YTHDC2: variants seen among roughly 807,000 people sequenced by gnomAD.
The protein encoded by YTHDC2 is YTH N6-methyladenosine RNA binding protein C2.
Under a neutral mutation model 174.9 loss-of-function variants are expected in YTHDC2, and 45 were observed. The observed-to-expected ratio is 0.26, with a 90% CI of 0.20 to 0.33. The LOEUF (loss-of-function observed/expected upper bound fraction) is 0.33. Among genes scored for constraint, YTHDC2 ranks in the 10% least tolerant of loss-of-function variants. The probability of loss-of-function intolerance (pLI) is 1.00; values close to 1 mark genes in which losing one functional copy is unlikely to be tolerated. For synonymous variants in YTHDC2, 657 were observed against 574.5 expected (o/e 1.14, Z -2.05); for missense variants, 1,650 against 1,723.7 (o/e 0.96, Z 0.76).
chr5:113,590,961 T>G, intron 26 of YTHDC2, 80 bp from the exon 27 acceptor site: 1 of 1,202,056 alleles, frequency 8.3e-7, no homozygotes, highest in Non-Finnish European at 1.2e-6. Flanking sequence ...GCTTATATGT[T>G]TATGAAGATG....
intron 23 of YTHDC2, among the ~76,000 whole-genome samples, chr5:113,573,950 G>T (rs965515378): frequency 6.6e-6 from 1 of 152,118 alleles, no homozygotes; most frequent in South Asian, 2.1e-4. Flanking sequence ...ACCTTCTGAA[G>T]CCTACTTCTG....
chr5:113,536,113 T>A (rs955082984), intron 7 of YTHDC2, among the ~76,000 whole-genome samples: 6 of 152,240 alleles, frequency 3.9e-5, no homozygotes, highest in African/African-American at 1.4e-4. Flanking sequence ...TAGTCTATAC[T>A]CCCATGTTTT....
intron 16 of YTHDC2, among the ~76,000 whole-genome samples, chr5:113,554,652 G>A (rs1776479271): frequency 6.6e-6 from 1 of 151,866 alleles, no homozygotes; most frequent in Admixed American, 6.6e-5. Context: ...ATACTGCAAG[G>A]CAGATTGGAG....
At chr5:113,565,184 C>A (rs1462327120) in intron 20 of YTHDC2, among the ~76,000 whole-genome samples, 1 of 152,046 alleles carries the variant, frequency 6.6e-6, no homozygotes, top group Non-Finnish European at 1.5e-5. Flanking sequence ...ATTTTTTCAC[C>A]ACATATAATT....
rs1318066700 is a variant in YTHDC2, at chr5:113,593,517, T to C, written c.*43T>C. On this transcript the variant is annotated 3_prime_UTR_variant, in exon 30 of 30. Transcript: ENST00000161863. The stretch of plus-strand genomic sequence containing the variant: ...TGTGGAAGAACATCATGCCTATTTA[T>C]AACCACTGAATGCACTGACTTTCAA... 1 of 721,624 alleles carries C rather than the reference T, an allele frequency of 1.4e-6. No individual in the cohort carries two copies. Among genetic ancestry groups the C allele is most frequent in the Non-Finnish European group, 2.2e-6 (1 of 454,440 alleles). The allele number at this position is 721,624 out of a possible 1,614,324, so 44.7% of individuals were successfully genotyped here.
chr5:113,579,146 C>G (rs10072547), intron 23 of YTHDC2, among the ~76,000 whole-genome samples: 50,963 of 151,538 alleles, frequency 0.34, 11,055 homozygotes, highest in African/African-American at 0.6. Context: ...TTCTACTTTT[C>G]TTTGGGTTTT....
Position 113,561,192 on chromosome 5 carries a change from A to C in YTHDC2, c.2322+7A>C, listed in dbSNP as rs562607398. 5 of 1,607,904 alleles carry C rather than the reference A, an allele frequency of 3.1e-6. No individual in the cohort carries two copies. The South Asian group carries it at 5.6e-5, about 18-fold the overall frequency. ...TTTGAGAATGCCATTACAGGTAAAAATTTATTTAAATATAAAAGGCATTTT... is the reference window on the plus strand; with the variant it reads ...TTTGAGAATGCCATTACAGGTAAAACTTTATTTAAATATAAAAGGCATTTT... On this transcript the variant is annotated splice_region_variant and intron_variant, in intron 18 of 29. Transcript: ENST00000161863.
At chr5:113,562,331 G>A (rs1777048917) in intron 18 of YTHDC2, among the ~76,000 whole-genome samples, 1 of 147,898 alleles carries the variant, frequency 6.8e-6, no homozygotes, top group African/African-American at 2.5e-5. Flanking sequence ...AGACCCTATA[G>A]CTTCTAGGGA....
intron 8 of YTHDC2, among the ~76,000 whole-genome samples, chr5:113,540,232 A>G (rs539389063): frequency 2.3e-4 from 35 of 152,350 alleles, no homozygotes; most frequent in Non-Finnish European, 4.1e-4. Context: ...TCAGAAAACT[A>G]GCGTGGTGGT....
chr5:113,577,438 C>T (rs769021179), intron 23 of YTHDC2, among the ~76,000 whole-genome samples: 3 of 152,116 alleles, frequency 2.0e-5, no homozygotes, highest in Non-Finnish European at 4.4e-5. Flanking sequence ...GGTGCAATTA[C>T]AGCCTACTGC....
intron 26 of YTHDC2, among the ~76,000 whole-genome samples, chr5:113,588,921 G>A (rs572926212): frequency 1.3e-5 from 2 of 152,016 alleles, no homozygotes; most frequent in South Asian, 4.2e-4. Context: ...CACCATGCCT[G>A]GCCAACAGTG....
intron 12 of YTHDC2, among the ~76,000 whole-genome samples, chr5:113,551,926 A>G (rs1308368691): frequency 1.3e-5 from 2 of 152,148 alleles, no homozygotes; most frequent in Non-Finnish European, 2.9e-5. Flanking sequence ...ACATTTTTAC[A>G]TATAAGATGA....
intron 23 of YTHDC2, among the ~76,000 whole-genome samples, chr5:113,575,882 G>T (rs1778012461): frequency 6.6e-6 from 1 of 152,112 alleles, no homozygotes; most frequent in Non-Finnish European, 1.5e-5. Context: ...AGTGATCGCT[G>T]ATATGAAGAG....
intron 20 of YTHDC2, 117 bp downstream of exon 20, chr5:113,564,248 T>G: frequency 3.4e-6 from 4 of 1,172,588 alleles, no homozygotes; most frequent in Non-Finnish European, 4.6e-6. Context: ...TTTTGTTTCA[T>G]TATGAAGTCA....
At position 113,581,017 on chromosome 5, in the gene YTHDC2, C is replaced by T. The variant is rs936117496; in HGVS notation, c.3355-400C>T. Among the ~76,000 whole-genome samples, 7 of 152,116 alleles carry T rather than the reference C, an allele frequency of 4.6e-5. No homozygotes were observed. The South Asian group carries it at 1.0e-3, about 23-fold the overall frequency. ...TTTGCAATCATTTAGGAACTGGTGACTTTCAAGTTTAGAGCTCTGTCTTAG... is the reference window on the plus strand; with the variant it reads ...TTTGCAATCATTTAGGAACTGGTGATTTTCAAGTTTAGAGCTCTGTCTTAG... On this transcript the variant is annotated intron_variant, in intron 24 of 29. Coordinates refer to ENST00000161863, the MANE Select transcript of YTHDC2 (RefSeq NM_022828.5).
intron 23 of YTHDC2, among the ~76,000 whole-genome samples, chr5:113,571,292 A>G (rs1777698989): frequency 6.6e-6 from 1 of 152,204 alleles, no homozygotes; most frequent in African/African-American, 2.4e-5. Flanking sequence ...ATTGATTTGC[A>G]TATGTTGAAC....
chr5:113,570,628 T>A (rs1194016951), intron 23 of YTHDC2, among the ~76,000 whole-genome samples: 1 of 152,072 alleles, frequency 6.6e-6, no homozygotes, highest in Non-Finnish European at 1.5e-5. Context: ...ATAATTTGAC[T>A]TCCTCTTTTC....
At chr5:113,535,863 C>T in intron 7 of YTHDC2, 65 bp downstream of exon 7, 1 of 1,357,942 alleles carries the variant, frequency 7.4e-7, no homozygotes, top group Non-Finnish European at 9.9e-7. Context: ...CATTATTTAT[C>T]CTAACAGAAA....
rs1778577319 is a variant in YTHDC2, at chr5:113,584,611, A to G, written c.3825+132A>G. ...CTTCTAGATGTAAGTTGAAGCTAGC[A>G]AACTTGATACAGTTTGAGTAAATTT... On this transcript the variant is annotated intron_variant, in intron 26 of 29. Coordinates refer to ENST00000161863, the MANE Select transcript of YTHDC2 (RefSeq NM_022828.5). 5 of 758,770 alleles carry G rather than the reference A, an allele frequency of 6.6e-6. No homozygotes were observed. The South Asian group carries it at 1.3e-4, about 20-fold the overall frequency. 47.0% of individuals were successfully genotyped at this position (758,770 alleles called of 1,614,324 possible). A position where few individuals can be genotyped will look rare whatever the true frequency, so the allele number is the denominator to read the frequency against.
Sources: allele counts gnomAD v4.1 joint callset (sites outside exome capture counted in the v4.1 genomes callset), GRCh38; gene constraint gnomAD v4.1.1; transcripts MANE v1.5; gene names NCBI Gene and HGNC (gene_info 2026-07-23, HGNC 2026-07-21).